Variants in ZFAT observed in about 807,000 individuals in gnomAD.
The protein encoded by ZFAT is zinc finger protein ZFAT.
Under a neutral mutation model 117.7 loss-of-function variants are expected in ZFAT, and 64 were observed. The observed-to-expected ratio is 0.54, with a 90% confidence interval of 0.44 to 0.67. The LOEUF (loss-of-function observed/expected upper bound fraction) is 0.67. Ranked by LOEUF, ZFAT falls within the 30% of genes least tolerant of loss-of-function variation. ZFAT has a pLI of 0.00. For missense variants in ZFAT, 1,433 were observed against 1,584.5 expected, an observed-to-expected ratio of 0.90 and a Z score of 1.62; for synonymous variants, 679 against 615.0, an observed-to-expected ratio of 1.10 and a Z score of -1.54.
the ZFAT span, among the ~76,000 whole-genome samples, chr8:134,803,263 A>T: frequency 2.6e-5 from 4 of 152,242 alleles, no homozygotes; most frequent in South Asian, 8.3e-4. Flanking sequence ...TTAAAGCAGT[A>T]TATCAAAATT....
chr8:134,658,320 G>A lies in ZFAT; in HGVS notation c.20-583C>T, dbSNP rs575050868. Among the ~76,000 whole-genome samples, 89 of 105,282 alleles carry A rather than the reference G, an allele frequency of 8.5e-4. 1 individual carries two copies. Among genetic ancestry groups the A allele is most frequent in the African/African-American group, 3.4e-3 (84 of 24,576 alleles). The allele number at this position is 105,282 out of a possible 152,430, so 69.1% of individuals were successfully genotyped here. ...CCACTGCACTCCAGCCTGGGCGACA[G>A]AGCGAGATTCTGTCTCCAAAAAAAA... On this transcript the variant is annotated intron_variant, in intron 1 of 15. Transcript: ENST00000377838.
chr8:134,766,716 A>T, the ZFAT span: 2 of 152,240 alleles, frequency 1.3e-5, no homozygotes, highest in African/African-American at 4.8e-5. Context: ...TAATGTACCA[A>T]CAATGCTTTG....
At chr8:134,598,079 C>T (rs2130909039) in intron 7 of ZFAT, 1 of 152,374 alleles carries the variant, frequency 6.6e-6, no homozygotes, top group South Asian at 2.1e-4. Context: ...AAGAGACCTA[C>T]CAAGAACCAT....
intron 11 of ZFAT, among the ~76,000 whole-genome samples, chr8:134,533,293 A>T (rs560348834): frequency 6.6e-6 from 1 of 152,064 alleles, no homozygotes; most frequent in Non-Finnish European, 1.5e-5. Flanking sequence ...GCAATACACT[A>T]ATCTATCATT....
chr8:134,704,590 C>T (rs891242147), intron 1 of ZFAT, among the ~76,000 whole-genome samples: 6 of 152,174 alleles, frequency 3.9e-5, no homozygotes, highest in Admixed American at 3.9e-4. Flanking sequence ...TGTTCTCTTG[C>T]TTATTCTTTA....
chr8:134,506,132 GC>G (rs2130325536), intron 15 of ZFAT, among the ~76,000 whole-genome samples: 1 of 152,070 alleles, frequency 6.6e-6, no homozygotes, highest in South Asian at 2.1e-4. Context: ...CATTTCCTGT[GC>G]GGCTAGCTGT....
chr8:134,702,589 A>T (rs931160784), intron 1 of ZFAT, among the ~76,000 whole-genome samples: 2 of 151,846 alleles, frequency 1.3e-5, no homozygotes, highest in African/African-American at 4.8e-5. Flanking sequence ...CCAAGTAAAA[A>T]GTGCCTTTTG....
chr8:134,770,952 T>C, the ZFAT span, among the ~76,000 whole-genome samples: 1 of 74,674 alleles, frequency 1.3e-5, no homozygotes, highest in African/African-American at 7.8e-5. Context: ...CTCAAAACCC[T>C]GTCTCCTGAT....
chr8:134,821,549 TA>T, the ZFAT span, among the ~76,000 whole-genome samples: 21,341 of 140,566 alleles, frequency 0.15, 1,496 homozygotes, highest in Non-Finnish European at 0.17. Context: ...GCATGCGGTT[TA>T]AAAAAAAAAA....
At chr8:134,717,033 C>G (rs1814219325), upstream of ZFAT, among the ~76,000 whole-genome samples, 1 of 152,070 alleles carries the variant, frequency 6.6e-6, no homozygotes, top group Non-Finnish European at 1.5e-5. Context: ...TCATAAATAA[C>G]CAGCTAAAAG....
At chr8:134,748,315 T>A in the ZFAT span, among the ~76,000 whole-genome samples, 4 of 152,232 alleles carry the variant, frequency 2.6e-5, no homozygotes, top group East Asian at 1.9e-4. Context: ...TGAGGATGCA[T>A]CCCTAAACTG....
At chr8:134,537,671 T>C (rs1456000028) in intron 11 of ZFAT, among the ~76,000 whole-genome samples, 1 of 152,116 alleles carries the variant, frequency 6.6e-6, no homozygotes, top group Non-Finnish European at 1.5e-5. Context: ...ACCTGGAAGT[T>C]AAATGGAAAA....
intron 3 of ZFAT, among the ~76,000 whole-genome samples, chr8:134,614,544 T>C (rs1037999274): frequency 2.6e-5 from 4 of 152,224 alleles, no homozygotes; most frequent in Admixed American, 1.3e-4. Flanking sequence ...CAATTATCTG[T>C]TGACATGCCT....
intron 13 of ZFAT, among the ~76,000 whole-genome samples, chr8:134,518,376 T>C (rs1820397422): frequency 6.6e-6 from 1 of 152,166 alleles, no homozygotes. Flanking sequence ...GGCTGGGCCA[T>C]TTTACATTCC....
chr8:134,532,734 G>A (rs1821513392), intron 12 of ZFAT, 100 bp downstream of exon 12: 2 of 1,439,476 alleles, frequency 1.4e-6, no homozygotes, highest in Admixed American at 2.2e-5. Context: ...GCACATTTAT[G>A]TAGCAGAACT....
At chr8:134,830,183 G>C in the ZFAT span, among the ~76,000 whole-genome samples, 2 of 152,086 alleles carry the variant, frequency 1.3e-5, no homozygotes, top group African/African-American at 2.4e-5. Flanking sequence ...GAAAAAGAGA[G>C]AAGAGAGAAA....
chr8:134,532,023 A>G (rs527603365), intron 12 of ZFAT, among the ~76,000 whole-genome samples: 4 of 152,366 alleles, frequency 2.6e-5, no homozygotes, highest in African/African-American at 9.6e-5. Flanking sequence ...GTGTGCTGCA[A>G]TCATTTTTTA....
intron 11 of ZFAT, among the ~76,000 whole-genome samples, chr8:134,537,419 A>C (rs967131475): frequency 2.0e-5 from 3 of 152,208 alleles, no homozygotes; most frequent in Non-Finnish European, 4.4e-5. Context: ...TCCTGGACAT[A>C]AGGTGGCCCA....
chr8:134,623,014 T>G (rs371669496), intron 3 of ZFAT, among the ~76,000 whole-genome samples: 7 of 152,288 alleles, frequency 4.6e-5, no homozygotes, highest in Middle Eastern at 3.4e-3. Flanking sequence ...GTCACACATT[T>G]GAGCATGCCA....
Sources: gnomAD v4.1 joint callset for allele counts (sites outside exome capture counted in the v4.1 genomes callset) on GRCh38, gnomAD v4.1.1 for gene constraint, MANE v1.5 for transcripts, NCBI Gene and HGNC (gene_info 2026-07-23, HGNC 2026-07-21) for gene names.